The following RETREG1 variants were observed in gnomAD, a reference collection of about 807,000 sequenced individuals.
RETREG1 encodes the protein reticulophagy regulator 1.
A neutral mutation model predicts 54.8 loss-of-function variants in RETREG1; 44 were observed. The ratio of observed to expected loss-of-function variants is 0.80; its 90% CI spans 0.63 to 1.03. The LOEUF is 1.03. RETREG1 is among the 50% of genes least tolerant of loss of function. RETREG1 has a pLI of 0.00. For missense variants in RETREG1, 554 were observed against 605.1 expected, an observed-to-expected ratio of 0.92 and a Z score of 0.89; for synonymous variants, 217 against 238.5, an observed-to-expected ratio of 0.91 and a Z score of 0.83.
intron 3 of RETREG1, among the ~76,000 whole-genome samples, chr5:16,536,766 CAA>C (rs1175048700): frequency 6.6e-6 from 1 of 152,160 alleles, no homozygotes; most frequent in African/African-American, 2.4e-5. Context: ...TCAATGGCGC[CAA>C]AGTCAACGGA....
chr5:16,551,368 T>C (rs1741536365), intron 3 of RETREG1, among the ~76,000 whole-genome samples: 1 of 152,232 alleles, frequency 6.6e-6, no homozygotes, highest in East Asian at 1.9e-4. Flanking sequence ...TGACTTTCCC[T>C]GGTGCTCTTA....
intron 3 of RETREG1, among the ~76,000 whole-genome samples, chr5:16,553,093 A>G (rs537194860): frequency 3.3e-5 from 5 of 152,344 alleles, no homozygotes; most frequent in African/African-American, 1.2e-4. Flanking sequence ...GGAACTGTTC[A>G]CTTTAAGCAT....
rs1263823909 is a variant in RETREG1, at chr5:16,475,106, T to C, written c.1129A>G (p.Lys377Glu). Reference sequence around the variant, plus strand: ...CTGTGACCACTGTCCAACTGTTCCTTCTTTCTCTTGAGCTCAGTGGGCAAA... The same window carrying C: ...CTGTGACCACTGTCCAACTGTTCCTCCTTTCTCTTGAGCTCAGTGGGCAAA... ...LGLPTELKRK[K>E]EQLDSGHRPS... The change falls in exon 9 of 9, where the codon AAG becomes GAG. Residue 377 changes from lysine to glutamate, a missense_variant. Coordinates refer to ENST00000306320, the MANE Select transcript of RETREG1 (RefSeq NM_001034850.3). The C allele has an allele frequency of 8.7e-6, 14 of 1,613,858 alleles. No homozygotes were observed. The highest frequency in any genetic ancestry group is 1.2e-5 in the Non-Finnish European group (14 of 1,179,938).
intron 3 of RETREG1, among the ~76,000 whole-genome samples, chr5:16,543,840 G>C (rs1360980121): frequency 6.6e-6 from 1 of 151,986 alleles, no homozygotes; most frequent in Admixed American, 6.6e-5. Context: ...CGGCATAGTG[G>C]TATCTCATTG....
At chr5:16,600,056 A>G (rs2126356722) in intron 1 of RETREG1, among the ~76,000 whole-genome samples, 1 of 152,312 alleles carries the variant, frequency 6.6e-6, no homozygotes, top group South Asian at 2.1e-4. Context: ...GCTGGAGTGC[A>G]GTGGCGTGAC....
intron 3 of RETREG1, among the ~76,000 whole-genome samples, chr5:16,485,728 C>T (rs1458113578): frequency 6.6e-6 from 1 of 152,140 alleles, no homozygotes; most frequent in Non-Finnish European, 1.5e-5. Flanking sequence ...TAACTAAAAA[C>T]TCTCTTTAGC....
intron 3 of RETREG1, among the ~76,000 whole-genome samples, chr5:16,508,316 C>A (rs1439877402): frequency 6.6e-6 from 1 of 152,124 alleles, no homozygotes; most frequent in Non-Finnish European, 1.5e-5. Context: ...CTGGGAAACA[C>A]TTTTTTAAAA....
intron 3 of RETREG1, among the ~76,000 whole-genome samples, chr5:16,532,341 A>G (rs1400854408): frequency 1.3e-5 from 2 of 152,280 alleles, no homozygotes; most frequent in East Asian, 1.9e-4. Context: ...CCTGACCAAC[A>G]TGGTGAAACC....
intron 5 of RETREG1, 123 bp from the exon 6 acceptor site, chr5:16,479,110 C>T (rs919028627): frequency 1.2e-5 from 11 of 925,990 alleles, no homozygotes; most frequent in African/African-American, 1.7e-5. Context: ...AGGGAAATGC[C>T]ATTGTGAAAT....
At chr5:16,519,892 C>G (rs1410051060) in intron 3 of RETREG1, among the ~76,000 whole-genome samples, 3 of 152,238 alleles carry the variant, frequency 2.0e-5, no homozygotes, top group African/African-American at 7.2e-5. Context: ...ATGGTCTCAG[C>G]TGGGACCAAC....
intron 3 of RETREG1, among the ~76,000 whole-genome samples, chr5:16,505,211 A>G (rs1429468765): frequency 6.6e-6 from 1 of 152,192 alleles, no homozygotes; most frequent in South Asian, 2.1e-4. Context: ...GTACGGACTC[A>G]GTGGCCTTTG....
intron 3 of RETREG1, among the ~76,000 whole-genome samples, chr5:16,516,250 G>A (rs1740352505): frequency 1.3e-5 from 2 of 152,072 alleles, no homozygotes; most frequent in South Asian, 2.1e-4. Context: ...AGACCCCTTC[G>A]AGGTAGAGAT....
chr5:16,567,782 C>T (rs966900221), intron 2 of RETREG1, among the ~76,000 whole-genome samples: 1 of 152,016 alleles, frequency 6.6e-6, no homozygotes, highest in Non-Finnish European at 1.5e-5. Flanking sequence ...CACAGCAAGA[C>T]CCCATCTCTA....
intron 3 of RETREG1, among the ~76,000 whole-genome samples, chr5:16,530,636 G>A (rs1740884497): frequency 6.6e-6 from 1 of 152,178 alleles, no homozygotes; most frequent in Non-Finnish European, 1.5e-5. Context: ...ACTTTGGGAG[G>A]CCGAGATGAG....
intron 3 of RETREG1, among the ~76,000 whole-genome samples, chr5:16,491,957 G>A (rs955221649): frequency 2.6e-5 from 4 of 152,094 alleles, no homozygotes; most frequent in African/African-American, 9.7e-5. Context: ...GATTTCTGCG[G>A]GCAAAACTTG....
chr5:16,494,290 T>G (rs568257976), intron 3 of RETREG1, among the ~76,000 whole-genome samples: 3 of 152,296 alleles, frequency 2.0e-5, no homozygotes, highest in East Asian at 3.9e-4. Flanking sequence ...AAGATGGGTA[T>G]GGGTATGAAC....
chr5:16,569,935 C>T (rs1225579988), intron 2 of RETREG1, among the ~76,000 whole-genome samples: 1 of 152,220 alleles, frequency 6.6e-6, no homozygotes, highest in Non-Finnish European at 1.5e-5. Context: ...CCATGGAATG[C>T]CCGCAACTCC....
chr5:16,474,828 T>A lies in RETREG1; in HGVS notation c.1407A>T (p.Glu469Asp). 1.2e-6 allele frequency: 2 copies of A among 1,614,010 alleles called. No homozygotes were observed. Among genetic ancestry groups the A allele is most frequent in the East Asian group, 4.5e-5 (2 of 44,884 alleles). ...DQSELDQIES[E>D]LGLTQDQEAE... is the part of the protein sequence containing the mutation. ...CTTCCTGGTCTTGTGTAAGTCCCAA[T>A]TCACTCTCAATTTGATCCAGCTCTG... is the stretch of plus-strand genomic sequence containing the variant. Residue 469 changes from glutamate (E) to aspartate (D), a missense_variant, in exon 9 of 9, where the codon GAA becomes GAT. Around this residue, in one of 4 missense-constraint regions of RETREG1, gnomAD observed 30 missense variants for 32.4 expected, o/e 0.93. Coordinates refer to ENST00000306320, the MANE Select transcript of RETREG1 (RefSeq NM_001034850.3).
rs1186811814 is a variant in RETREG1, at chr5:16,474,817, G to A, written c.1418C>T (p.Thr473Ile). 2 of 1,613,800 alleles carry A rather than the reference G, an allele frequency of 1.2e-6. No individual in the cohort carries two copies. Among genetic ancestry groups the A allele is most frequent in the Non-Finnish European group, 8.5e-7 (1 of 1,179,922 alleles). Residue 473 changes from threonine (T) to isoleucine (I), a missense_variant, in exon 9 of 9, where the codon ACA becomes ATA. Physicochemically the swap from Thr to Ile is moderately conservative, Grantham distance 89. Coordinates refer to ENST00000306320, the MANE Select transcript of RETREG1 (RefSeq NM_001034850.3). ...CTGTGCTTCTGCTTCCTGGTCTTGT[G>A]TAAGTCCCAATTCACTCTCAATTTG... The part of the protein sequence containing the change: ...LDQIESELGL[T>I]QDQEAEAQQN...
Sources: allele counts gnomAD v4.1 joint callset (sites outside exome capture counted in the v4.1 genomes callset), GRCh38; gene constraint gnomAD v4.1.1; regional missense constraint gnomAD v4.1.1; transcripts MANE v1.5; gene names NCBI Gene and HGNC (gene_info 2026-07-23, HGNC 2026-07-21).